Variants in PHIP observed in about 807,000 individuals in gnomAD.
PHIP encodes PH-interacting protein.
A neutral mutation model predicts 236.8 loss-of-function variants in PHIP; 54 were observed. That is an observed-to-expected ratio of 0.23 (90% CI 0.18 to 0.29). PHIP has a LOEUF of 0.29. Ranked by LOEUF, PHIP falls within the 10% of genes least tolerant of loss-of-function variation. The pLI, the probability that PHIP is intolerant of heterozygous loss-of-function variation, is 1.00. For synonymous variants in PHIP, 756 were observed against 718.9 expected, an observed-to-expected ratio of 1.05 and a Z score of -0.83; for missense variants, 1,370 against 2,190.8, an observed-to-expected ratio of 0.63 and a Z score of 7.48.
intron 19 of PHIP, among the ~76,000 whole-genome samples, chr6:78,993,845 G>C (rs1348802271): frequency 6.6e-6 from 1 of 152,172 alleles, no homozygotes. Flanking sequence ...CTATTTTCAA[G>C]TCTTTTTATT....
At chr6:78,943,634 T>C (rs1188244966) in intron 39 of PHIP, among the ~76,000 whole-genome samples, 1 of 152,138 alleles carries the variant, frequency 6.6e-6, no homozygotes, top group Non-Finnish European at 1.5e-5. Flanking sequence ...AAATGAATAA[T>C]ATGATCAACA....
intron 23 of PHIP, among the ~76,000 whole-genome samples, chr6:78,981,737 A>G (rs944006325): frequency 5.3e-5 from 8 of 152,038 alleles, no homozygotes; most frequent in Non-Finnish European, 7.4e-5. Context: ...TTAGCCAGAC[A>G]CATGGCTAAA....
chr6:79,059,674 TC>T (rs1773267211), intron 6 of PHIP, among the ~76,000 whole-genome samples: 3 of 144,852 alleles, frequency 2.1e-5, no homozygotes, highest in African/African-American at 7.7e-5. Context: ...ATAATAAGTA[TC>T]CAGAAAAGGA....
chr6:78,948,829 AT>A (rs1265566101), intron 35 of PHIP, among the ~76,000 whole-genome samples: 1 of 152,042 alleles, frequency 6.6e-6, no homozygotes, highest in Non-Finnish European at 1.5e-5. Flanking sequence ...ATGCGACTAT[AT>A]TTTTTGAAGT....
At chr6:79,041,376 C>T (rs971251864) in intron 7 of PHIP, among the ~76,000 whole-genome samples, 3 of 151,974 alleles carry the variant, frequency 2.0e-5, no homozygotes, top group Non-Finnish European at 4.4e-5. Flanking sequence ...GATTATATGT[C>T]TAATTAATAT....
rs185418807 is a variant in PHIP, at chr6:79,014,519, G to A, written c.1524+563C>T. On this transcript the variant is annotated intron_variant, in intron 15 of 39. Transcript: ENST00000275034. ...CATACAGTAAATAGAAACACTGCTC[G>A]GTAAGTTGTATGTGATATATTAAAA... Among the ~76,000 whole-genome samples the A allele has an allele frequency of 3.1e-3, 477 of 151,738 alleles. 3 individuals carry two copies. Among genetic ancestry groups the A allele is most frequent in the African/African-American group, 0.011 (439 of 41,486 alleles).
At chr6:78,988,384 G>A in intron 20 of PHIP, 35 bp from the exon 21 acceptor site, 1 of 1,476,518 alleles carries the variant, frequency 6.8e-7, no homozygotes, top group Non-Finnish European at 9.1e-7. Context: ...TTCACAGATT[G>A]TTTAAAGAGC....
chr6:78,945,210 C>A (rs1773736338), intron 39 of PHIP, 90 bp downstream of exon 39: 1 of 981,342 alleles, frequency 1.0e-6, no homozygotes, highest in South Asian at 1.4e-5. Context: ...AGTGGGCAAC[C>A]TGAAAAGTGG....
At chr6:78,943,662 G>A (rs1367445939) in intron 39 of PHIP, among the ~76,000 whole-genome samples, 1 of 152,100 alleles carries the variant, frequency 6.6e-6, no homozygotes, top group Admixed American at 6.6e-5. Context: ...TACCACCAAA[G>A]GTAATGAACA....
At chr6:78,984,326 T>C (rs1406368834) in intron 22 of PHIP, among the ~76,000 whole-genome samples, 1 of 152,346 alleles carries the variant, frequency 6.6e-6, no homozygotes. Context: ...TAAAATAGGT[T>C]GTCTTCAACT....
chr6:78,945,749 G>T lies in PHIP; in HGVS notation c.4630+252C>A. On this transcript the variant is annotated intron_variant, in intron 38 of 39. Coordinates refer to ENST00000275034, the MANE Select transcript of PHIP (RefSeq NM_017934.7). ...AAGTCTTGGCAAATTGCTAGCTAGT[G>T]TGGGTACTGTGATTTAAATTCAGGT... The T allele has an allele frequency of 5.0e-6, 3 of 599,458 alleles. No individual in the cohort carries two copies. The Admixed American group carries it at 7.8e-5, about 16-fold the overall frequency. The allele number at this position is 599,458 out of a possible 1,614,324, so 37.1% of individuals were successfully genotyped here.
In PHIP at chr6:78,940,571, T is replaced by TTTTTTTTTC. The variant is rs1773449183; in HGVS notation, c.*121_*122insGAAAAAAAA. ...TTGTTTTTTTTTTTTTTTTTTTTTTTGCAAATCAAATCATAACATTCCCTA... is the reference window on the plus strand; with the variant it reads ...TTGTTTTTTTTTTTTTTTTTTTTTTTTTTTTTTTCGCAAATCAAATCATAACATTCCCTA... On this transcript the variant is annotated 3_prime_UTR_variant, in exon 40 of 40. Transcript: ENST00000275034. 5.1e-6 allele frequency: 1 copy of TTTTTTTTTC among 196,666 alleles called. No homozygotes were observed. The highest frequency in any genetic ancestry group is 1.0e-5 in the Non-Finnish European group (1 of 97,670). 12.2% of individuals were successfully genotyped at this position (196,666 alleles called of 1,614,324 possible). A position where few individuals can be genotyped will look rare whatever the true frequency, so the allele number is the denominator to read the frequency against.
chr6:79,059,318 A>G (rs1048340043), intron 6 of PHIP, among the ~76,000 whole-genome samples: 1 of 151,946 alleles, frequency 6.6e-6, no homozygotes, highest in African/African-American at 2.4e-5. Context: ...GAATCTAAGC[A>G]AGACAAATTT....
chr6:79,069,752 C>T (rs1582321175), intron 4 of PHIP, among the ~76,000 whole-genome samples: 2 of 151,796 alleles, frequency 1.3e-5, no homozygotes, highest in Non-Finnish European at 1.5e-5. Context: ...CCCTTAGATG[C>T]CTATTATTTC....
chr6:78,976,321 T>C (rs2127712815), intron 24 of PHIP, among the ~76,000 whole-genome samples: 1 of 145,510 alleles, frequency 6.9e-6, no homozygotes, highest in East Asian at 2.0e-4. Context: ...TGGCTAGCCA[T>C]ATGTAGAAAG....
chr6:79,041,131 C>T (rs1204196148), intron 7 of PHIP, among the ~76,000 whole-genome samples: 1 of 152,134 alleles, frequency 6.6e-6, no homozygotes, highest in Non-Finnish European at 1.5e-5. Context: ...GTCAAAACTA[C>T]TCAACTCTGC....
chr6:78,984,140 C>T (rs1768719918), intron 22 of PHIP, among the ~76,000 whole-genome samples: 1 of 152,150 alleles, frequency 6.6e-6, no homozygotes, highest in South Asian at 2.1e-4. Flanking sequence ...ACCCTCCCCA[C>T]TACCCCTCTC....
intron 4 of PHIP, 67 bp from the exon 5 acceptor site, chr6:79,060,885 A>G (rs1773336030): frequency 2.7e-6 from 3 of 1,106,032 alleles, no homozygotes; most frequent in Middle Eastern, 2.1e-4. Context: ...TCTTTGAGCA[A>G]CAATAAAAAA....
chr6:79,029,450 A>G (rs1771557970), intron 7 of PHIP, among the ~76,000 whole-genome samples: 1 of 152,236 alleles, frequency 6.6e-6, no homozygotes, highest in Non-Finnish European at 1.5e-5. Context: ...ATAATTGACT[A>G]GAAGAACTGC....
Sources: gnomAD v4.1 joint callset for allele counts (sites outside exome capture counted in the v4.1 genomes callset) on GRCh38, gnomAD v4.1.1 for gene constraint, MANE v1.5 for transcripts, NCBI Gene and HGNC (gene_info 2026-07-23, HGNC 2026-07-21) for gene names.